Variants in MPC2 observed in about 807,000 individuals in gnomAD.
MPC2 encodes brain protein 44.
MPC2 carries 19 observed loss-of-function variants against 19.2 expected under a neutral mutation model. That is an observed-to-expected ratio of 0.99 (90% CI 0.69 to 1.45). The LOEUF (loss-of-function observed/expected upper bound fraction) is 1.45. Among genes scored for constraint, MPC2 ranks in the 40% most tolerant of loss-of-function variants. The pLI is 0.00. For synonymous variants in MPC2, 61 were observed against 54.3 expected (o/e 1.12, Z -0.54); for missense variants, 122 against 153.0 (o/e 0.80, Z 1.07).
intron 2 of MPC2, among the ~76,000 whole-genome samples, chr1:167,933,200 G>A (rs1314378781): frequency 7.0e-6 from 1 of 143,158 alleles, no homozygotes; most frequent in African/African-American, 2.6e-5. Flanking sequence ...ACAGAACCTC[G>A]CTCTGTTGCC....
chr1:167,919,940 C>A, intron 5 of MPC2, 39 bp downstream of exon 5: 1 of 1,497,908 alleles, frequency 6.7e-7, no homozygotes, highest in Non-Finnish European at 9.1e-7. Flanking sequence ...ATCTAAGTAG[C>A]TTTTGCAACA....
intron 3 of MPC2, among the ~76,000 whole-genome samples, chr1:167,922,426 A>G (rs989589154): frequency 2.0e-5 from 3 of 152,144 alleles, no homozygotes; most frequent in Non-Finnish European, 4.4e-5. Context: ...TTGTGAATAG[A>G]TGAAATCACT....
In MPC2 at chr1:167,936,965, C is replaced by A. The variant is rs770312945; in HGVS notation, c.-84G>T. 1.2e-6 allele frequency: 2 copies of A among 1,611,228 alleles called. No homozygotes were observed. The highest frequency in any genetic ancestry group is 1.7e-6 in the Non-Finnish European group (2 of 1,179,260). ...TGTTGTGGGACGTGAGGAAAAGGTCCCTCGGGCTGGAGGACCCGTCCCGGC... is the reference window on the plus strand; with the variant it reads ...TGTTGTGGGACGTGAGGAAAAGGTCACTCGGGCTGGAGGACCCGTCCCGGC... On this transcript the variant is annotated 5_prime_UTR_variant, in exon 1 of 6. Coordinates refer to ENST00000271373, the MANE Select transcript of MPC2 (RefSeq NM_001143674.4).
chr1:167,922,202 A>G (rs770325860), intron 3 of MPC2, among the ~76,000 whole-genome samples: 1 of 152,178 alleles, frequency 6.6e-6, no homozygotes, highest in African/African-American at 2.4e-5. Flanking sequence ...TTCTATTGCT[A>G]TGCTGTCATC....
At position 167,936,145 on chromosome 1, in the gene MPC2, T is replaced by C. The variant is rs1044731715; in HGVS notation, c.-57-247A>G. ...AATAATCACCTCACCAAGTCTGCGCTGCGCCCTGCTGGCAGCGCGCTTGCG... is the reference window on the plus strand; with the variant it reads ...AATAATCACCTCACCAAGTCTGCGCCGCGCCCTGCTGGCAGCGCGCTTGCG... On this transcript the variant is annotated intron_variant, in intron 1 of 5. Coordinates refer to ENST00000271373, the MANE Select transcript of MPC2 (RefSeq NM_001143674.4). The C allele has an allele frequency of 5.2e-5, 18 of 348,684 alleles. No homozygotes were observed. In the Admixed American group the frequency reaches 6.2e-4, roughly 12 times the overall value. 21.6% of individuals were successfully genotyped at this position (348,684 alleles called of 1,614,324 possible). A position where few individuals can be genotyped will look rare whatever the true frequency, so the allele number is the denominator to read the frequency against.
In MPC2 at chr1:167,917,922, T is replaced by A. The variant is rs1456975655; in HGVS notation, c.*401A>T. 1 of 156,490 alleles carries A rather than the reference T, an allele frequency of 6.4e-6. No individual in the cohort carries two copies. The highest frequency in any genetic ancestry group is 1.8e-4 in the East Asian group (1 of 5,432). 9.7% of individuals were successfully genotyped at this position (156,490 alleles called of 1,614,324 possible). A position where few individuals can be genotyped will look rare whatever the true frequency, so the allele number is the denominator to read the frequency against. On this transcript the variant is annotated 3_prime_UTR_variant, in exon 6 of 6. Coordinates refer to ENST00000271373, the MANE Select transcript of MPC2 (RefSeq NM_001143674.4). ...TCATTCCACTACCCATTTCTCAGTC[T>A]CTTCAGCAAAATTTCCTTTCACTTA...
chr1:167,920,444 G>T, intron 4 of MPC2, 103 bp downstream of exon 4: 1 of 1,136,130 alleles, frequency 8.8e-7, no homozygotes, highest in Non-Finnish European at 1.3e-6. Flanking sequence ...TCCTTTGTGT[G>T]TGGGTGTATT....
At chr1:167,926,413 T>C (rs1352792748) in intron 2 of MPC2, among the ~76,000 whole-genome samples, 1 of 152,220 alleles carries the variant, frequency 6.6e-6, no homozygotes, top group Non-Finnish European at 1.5e-5. Context: ...TAGAAAATAA[T>C]TTAGTTTCTT....
intron 2 of MPC2, among the ~76,000 whole-genome samples, chr1:167,925,627 A>C (rs1323120502): frequency 6.7e-6 from 1 of 148,878 alleles, no homozygotes; most frequent in East Asian, 2.0e-4. Flanking sequence ...GCTCACTGCA[A>C]CCTCCACCTC....
chr1:167,935,645 G>A (rs1671111012), intron 2 of MPC2, 88 bp downstream of exon 2: 1 of 1,096,388 alleles, frequency 9.1e-7, no homozygotes, highest in Non-Finnish European at 1.4e-6. Flanking sequence ...GATGCCTCTA[G>A]AGGCAGTTGT....
chr1:167,921,784 A>G (rs750513200), intron 3 of MPC2, among the ~76,000 whole-genome samples: 4 of 152,170 alleles, frequency 2.6e-5, no homozygotes, highest in Non-Finnish European at 5.9e-5. Context: ...TTTATCCAGG[A>G]TAGAAAATGT....
At chr1:167,921,355 G>A (rs1670595868) in intron 3 of MPC2, among the ~76,000 whole-genome samples, 1 of 151,904 alleles carries the variant, frequency 6.6e-6, no homozygotes, top group Non-Finnish European at 1.5e-5. Flanking sequence ...CCAAGTAGCT[G>A]GAATTACAGG....
At chr1:167,918,492 C>T in intron 5 of MPC2, 133 bp from the exon 6 acceptor site, 1 of 511,322 alleles carries the variant, frequency 2.0e-6, no homozygotes, top group South Asian at 3.5e-5. Context: ...ACAGAATCTT[C>T]CCGGAGGGCT....
chr1:167,925,299 A>G (rs182419724), intron 2 of MPC2, among the ~76,000 whole-genome samples: 11 of 151,846 alleles, frequency 7.2e-5, no homozygotes, highest in Admixed American at 6.6e-4. Flanking sequence ...TACTATTCAT[A>G]CTTGTACCCC....
intron 2 of MPC2, among the ~76,000 whole-genome samples, chr1:167,935,239 T>G (rs762567512): frequency 6.6e-6 from 1 of 152,146 alleles, no homozygotes; most frequent in Non-Finnish European, 1.5e-5. Flanking sequence ...CAAGCCTGGA[T>G]GAAGTAAAGC....
intron 5 of MPC2, among the ~76,000 whole-genome samples, chr1:167,919,137 C>G (rs1321989352): frequency 6.6e-6 from 1 of 152,166 alleles, no homozygotes; most frequent in Non-Finnish European, 1.5e-5. Flanking sequence ...AAATATACTT[C>G]TAACCACTAA....
At chr1:167,925,448 T>TATATATATATATAC (rs1670715804) in intron 2 of MPC2, among the ~76,000 whole-genome samples, 1 of 103,250 alleles carries the variant, frequency 9.7e-6, no homozygotes, top group South Asian at 2.9e-4. Context: ...TACACATATA[T>TATATATATATATAC]ATATATATAT....
chr1:167,931,080 C>G (rs946326019), intron 2 of MPC2, among the ~76,000 whole-genome samples: 1 of 152,152 alleles, frequency 6.6e-6, no homozygotes, highest in Non-Finnish European at 1.5e-5. Context: ...TACAGGTGTG[C>G]ACCACCATGC....
At chr1:167,929,832 A>C (rs1385132924) in intron 2 of MPC2, among the ~76,000 whole-genome samples, 1 of 152,182 alleles carries the variant, frequency 6.6e-6, no homozygotes, top group African/African-American at 2.4e-5. Context: ...TGAAAAATAA[A>C]GTTTCTTACT....
Sources: allele counts gnomAD v4.1 joint callset (sites outside exome capture counted in the v4.1 genomes callset), GRCh38; gene constraint gnomAD v4.1.1; transcripts MANE v1.5; gene names NCBI Gene and HGNC (gene_info 2026-07-23, HGNC 2026-07-21).